CTNND2: variants seen among roughly 807,000 people sequenced by gnomAD.
The protein encoded by CTNND2 is catenin delta 2.
A neutral mutation model predicts 144.4 loss-of-function variants in CTNND2; 22 were observed. That is an observed-to-expected ratio of 0.15 (90% CI 0.11 to 0.22). The LOEUF is 0.22. Among genes scored for constraint, CTNND2 ranks in the 10% least tolerant of loss-of-function variants. The pLI is 1.00. For synonymous variants in CTNND2, 751 were observed against 695.6 expected (o/e 1.08, Z -1.25); for missense variants, 1,353 against 1,618.8 (o/e 0.84, Z 2.82).
intron 3 of CTNND2, among the ~76,000 whole-genome samples, chr5:11,507,503 G>T (rs569375599): frequency 1.3e-5 from 2 of 152,312 alleles, no homozygotes; most frequent in African/African-American, 4.8e-5. Context: ...CGTTGCATAA[G>T]GTTGGTACCA....
intron 7 of CTNND2, among the ~76,000 whole-genome samples, chr5:11,369,803 T>A (rs553381381): frequency 6.6e-6 from 1 of 152,332 alleles, no homozygotes; most frequent in African/African-American, 2.4e-5. Flanking sequence ...AAGTTCTTTC[T>A]GAGCACCTGA....
chr5:11,280,107 T>G (rs1160405842), intron 9 of CTNND2, among the ~76,000 whole-genome samples: 2 of 152,122 alleles, frequency 1.3e-5, no homozygotes, highest in African/African-American at 4.8e-5. Context: ...ATTTTAAAAG[T>G]CTAAGGTCTT....
chr5:11,402,332 G>A (rs1423496), intron 5 of CTNND2, among the ~76,000 whole-genome samples: 16,437 of 152,134 alleles, frequency 0.11, 1,243 homozygotes, highest in African/African-American at 0.22. Context: ...GAAACAGATG[G>A]TAGAACTTAC....
intron 12 of CTNND2, among the ~76,000 whole-genome samples, chr5:11,142,738 C>T (rs1298335272): frequency 6.6e-5 from 10 of 151,488 alleles, no homozygotes; most frequent in South Asian, 4.2e-4. Context: ...CTCAGCCTCC[C>T]GTGTAGCTGG....
chr5:11,784,260 A>T (rs1790710802), intron 1 of CTNND2, among the ~76,000 whole-genome samples: 1 of 152,256 alleles, frequency 6.6e-6, no homozygotes, highest in Admixed American at 6.5e-5. Context: ...CAATGGGAAA[A>T]TATAAGAGAA....
chr5:11,420,997 C>G (rs777288328), intron 3 of CTNND2, among the ~76,000 whole-genome samples: 1 of 152,118 alleles, frequency 6.6e-6, no homozygotes, highest in Non-Finnish European at 1.5e-5. Context: ...CACCTTAACT[C>G]TGCTTACCTT....
At chr5:11,081,301 C>T (rs1749548771) in intron 16 of CTNND2, among the ~76,000 whole-genome samples, 1 of 151,994 alleles carries the variant, frequency 6.6e-6, no homozygotes, top group African/African-American at 2.4e-5. Context: ...TTCAAAATTG[C>T]TAAGAGTAAA....
chr5:11,627,953 T>C (rs891389597), intron 2 of CTNND2, among the ~76,000 whole-genome samples: 1 of 151,978 alleles, frequency 6.6e-6, no homozygotes, highest in African/African-American at 2.4e-5. Flanking sequence ...TAAGAATCCC[T>C]TGCTGCAGCT....
chr5:11,629,763 T>TG (rs146239481), intron 2 of CTNND2, among the ~76,000 whole-genome samples: 2,574 of 152,200 alleles, frequency 0.017, 88 homozygotes, highest in African/African-American at 0.059. Context: ...CTTGAACTCC[T>TG]GGGCTCAAGC....
In CTNND2 at chr5:11,317,244, AG is replaced by A. The variant is rs367645607; in HGVS notation, c.1628+29127del. Among the ~76,000 whole-genome samples the A allele has an allele frequency of 1.8e-4, 28 of 152,348 alleles. No homozygotes were observed. In the East Asian group the frequency reaches 3.5e-3, roughly 19 times the overall value. On this transcript the variant is annotated intron_variant, in intron 9 of 21. Transcript: ENST00000304623. ...CGAGCCCAGGGTCACACAGCTAGTTAGTGGAAAACTAGGATTTGAACTCAGT... is the reference window on the plus strand; with the variant it reads ...CGAGCCCAGGGTCACACAGCTAGTTATGGAAAACTAGGATTTGAACTCAGT...
chr5:11,633,813 G>A (rs1232072043), intron 2 of CTNND2, among the ~76,000 whole-genome samples: 1 of 151,694 alleles, frequency 6.6e-6, no homozygotes, highest in Admixed American at 6.6e-5. Flanking sequence ...TGATAGAAAC[G>A]TAGATCAGTA....
At chr5:11,685,110 T>C (rs1784586733) in intron 2 of CTNND2, among the ~76,000 whole-genome samples, 1 of 152,172 alleles carries the variant, frequency 6.6e-6, no homozygotes, top group African/African-American at 2.4e-5. Flanking sequence ...TATAAGTGCA[T>C]TGTTACTTTA....
At chr5:11,800,733 T>C (rs541553528) in intron 1 of CTNND2, among the ~76,000 whole-genome samples, 2 of 152,338 alleles carry the variant, frequency 1.3e-5, no homozygotes, top group African/African-American at 4.8e-5. Flanking sequence ...TTTAGTAGAA[T>C]AACAGCATTG....
At chr5:11,708,319 C>T (rs572318629) in intron 2 of CTNND2, among the ~76,000 whole-genome samples, 55 of 152,080 alleles carry the variant, frequency 3.6e-4, no homozygotes, top group African/African-American at 1.2e-3. Flanking sequence ...ATATAATGTG[C>T]GTCAGTTTGC....
intron 2 of CTNND2, among the ~76,000 whole-genome samples, chr5:11,678,117 T>C (rs1333451240): frequency 6.6e-6 from 1 of 152,118 alleles, no homozygotes; most frequent in East Asian, 1.9e-4. Context: ...AAACATTACT[T>C]GGCATTGACA....
intron 1 of CTNND2, among the ~76,000 whole-genome samples, chr5:11,772,073 A>G (rs1789974484): frequency 6.6e-6 from 1 of 152,192 alleles, no homozygotes; most frequent in Non-Finnish European, 1.5e-5. Flanking sequence ...TACAATTTGA[A>G]CATGGTCCCT....
intron 9 of CTNND2, among the ~76,000 whole-genome samples, chr5:11,313,826 A>G (rs1751231393): frequency 6.6e-6 from 1 of 152,196 alleles, no homozygotes; most frequent in South Asian, 2.1e-4. Context: ...AAGAGGCCTC[A>G]GGAAACTTAC....
intron 12 of CTNND2, among the ~76,000 whole-genome samples, chr5:11,131,091 A>G (rs1288929294): frequency 6.6e-6 from 1 of 152,216 alleles, no homozygotes. Flanking sequence ...TTAGATTAAA[A>G]AATGAATACT....
intron 2 of CTNND2, among the ~76,000 whole-genome samples, chr5:11,603,118 C>T (rs911536709): frequency 9.7e-4 from 148 of 152,212 alleles, no homozygotes; most frequent in Non-Finnish European, 1.6e-3. Context: ...TTAACAGTAA[C>T]AATCACAACA....
Sources: allele counts gnomAD v4.1 joint callset (sites outside exome capture counted in the v4.1 genomes callset), GRCh38; gene constraint gnomAD v4.1.1; transcripts MANE v1.5; gene names NCBI Gene and HGNC (gene_info 2026-07-23, HGNC 2026-07-21).